Variants in EVA1A observed in about 807,000 individuals in gnomAD.
The protein encoded by EVA1A is eva-1 homolog A, regulator of programmed cell death.
Under a neutral mutation model 9.8 loss-of-function variants are expected in EVA1A, and 7 were observed. The observed-to-expected ratio is 0.71, with a 90% confidence interval of 0.41 to 1.34. The LOEUF is 1.34. Ranked by LOEUF, EVA1A falls within the 40% of genes most tolerant of loss-of-function variation. The pLI is 0.01. For synonymous variants in EVA1A, 90 were observed against 85.6 expected (o/e 1.05, Z -0.28); for missense variants, 206 against 205.9 (o/e 1.00, Z 0.00).
At chr2:75,505,451 A>G (rs575128413) in intron 3 of EVA1A, among the ~76,000 whole-genome samples, 13 of 152,218 alleles carry the variant, frequency 8.5e-5, no homozygotes, top group Admixed American at 7.2e-4. Context: ...AATTATGAAG[A>G]CACCATTTCC....
chr2:75,499,757 C>A (rs1170358731), intron 3 of EVA1A, among the ~76,000 whole-genome samples: 1 of 152,106 alleles, frequency 6.6e-6, no homozygotes, highest in Non-Finnish European at 1.5e-5. Flanking sequence ...GTCAGGGAGC[C>A]CAGGTTGCTG....
intron 1 of EVA1A, among the ~76,000 whole-genome samples, chr2:75,532,369 T>C (rs916238935): frequency 6.6e-6 from 1 of 152,054 alleles, no homozygotes; most frequent in African/African-American, 2.4e-5. Context: ...GTATTGTAGG[T>C]CTGGTAATTA....
At chr2:75,548,613 T>A (rs1383308964) in intron 1 of EVA1A, among the ~76,000 whole-genome samples, 1 of 152,150 alleles carries the variant, frequency 6.6e-6, no homozygotes, top group Non-Finnish European at 1.5e-5. Context: ...TCAGCCCTAT[T>A]CAAGGGTCAG....
At chr2:75,524,485 A>C (rs377621446) in intron 1 of EVA1A, among the ~76,000 whole-genome samples, 5 of 151,962 alleles carry the variant, frequency 3.3e-5, no homozygotes, top group South Asian at 2.1e-4. Flanking sequence ...AAAGCACTCC[A>C]ACCCTCACCT....
At chr2:75,568,850 C>T (rs1677074726) in intron 1 of EVA1A, among the ~76,000 whole-genome samples, 1 of 152,116 alleles carries the variant, frequency 6.6e-6, no homozygotes. Context: ...TTTCTTTATC[C>T]TCTGGTTGGT....
chr2:75,520,319 G>GT (rs35410525), intron 2 of EVA1A, among the ~76,000 whole-genome samples: 79,126 of 151,848 alleles, frequency 0.52, 21,996 homozygotes, highest in African/African-American at 0.72. Context: ...TCTCAATGAT[G>GT]TTTTTGCAGA....
chr2:75,498,599 TATTA>T (rs1029803627), intron 3 of EVA1A, among the ~76,000 whole-genome samples: 1 of 152,198 alleles, frequency 6.6e-6, no homozygotes, highest in African/African-American at 2.4e-5. Context: ...ATATAATGTG[TATTA>T]ATTTTTTTAA....
chr2:75,537,467 C>T (rs1374354508), intron 1 of EVA1A, among the ~76,000 whole-genome samples: 1 of 152,152 alleles, frequency 6.6e-6, no homozygotes, highest in Non-Finnish European at 1.5e-5. Flanking sequence ...CTAACCATTA[C>T]CTTGAGGCAA....
At position 75,493,296 on chromosome 2, in the gene EVA1A, C is replaced by G. The variant is rs140193404; in HGVS notation, c.399G>C (p.Glu133Asp). ...RLEERERIIREIWMNGQPEVP... is the reference protein window; with the variant it reads ...RLEERERIIRDIWMNGQPEVP... ...CCTCAGGCTGGCCATTCATCCAGATCTCCCTGATGATGCGCTCGCGCTCCT... is the reference window on the plus strand; with the variant it reads ...CCTCAGGCTGGCCATTCATCCAGATGTCCCTGATGATGCGCTCGCGCTCCT... Residue 133 changes from glutamate (E) to aspartate (D), a missense_variant, in exon 4 of 4, where the codon GAG (glutamate) becomes GAC (aspartate). Glu to Asp is a conservative substitution (Grantham distance 45, BLOSUM62 2). Transcript: ENST00000393913. 6.2e-7 allele frequency: 1 copy of G among 1,614,110 alleles called. No homozygotes were observed. The highest frequency in any genetic ancestry group is 8.5e-7 in the Non-Finnish European group (1 of 1,179,982).
Position 75,507,503 on chromosome 2 carries a change from T to A in EVA1A, c.85+10553A>T, listed in dbSNP as rs753002123. Among the ~76,000 whole-genome samples the A allele has an allele frequency of 2.4e-4, 37 of 152,100 alleles. 1 individual carries two copies. The highest frequency in any genetic ancestry group is 1.3e-4 in the Admixed American group (2 of 15,276). Reference sequence around the variant, plus strand: ...TTCAGTGCCCATCTTCCAGAGATAATCAGAGGGGGCCTCTGGAAGCCATTT... The same window carrying A: ...TTCAGTGCCCATCTTCCAGAGATAAACAGAGGGGGCCTCTGGAAGCCATTT... On this transcript the variant is annotated intron_variant, in intron 3 of 3. Transcript: ENST00000393913.
At chr2:75,503,811 G>C (rs75658027) in intron 3 of EVA1A, among the ~76,000 whole-genome samples, 1 of 152,094 alleles carries the variant, frequency 6.6e-6, no homozygotes, top group African/African-American at 2.4e-5. Flanking sequence ...CGGGATACAC[G>C]GTACAAATAT....
At chr2:75,497,539 G>A (rs1674253174) in intron 3 of EVA1A, among the ~76,000 whole-genome samples, 1 of 151,978 alleles carries the variant, frequency 6.6e-6, no homozygotes, top group Admixed American at 6.6e-5. Flanking sequence ...ATACCATGTT[G>A]ACAAAGTTGT....
chr2:75,511,371 A>G (rs1674805170), intron 3 of EVA1A, among the ~76,000 whole-genome samples: 1 of 152,184 alleles, frequency 6.6e-6, no homozygotes, highest in Non-Finnish European at 1.5e-5. Context: ...AAAGATTTAA[A>G]CCATTTTCAC....
intron 1 of EVA1A, among the ~76,000 whole-genome samples, chr2:75,557,266 C>A (rs1163054091): frequency 6.6e-6 from 1 of 152,208 alleles, no homozygotes; most frequent in Non-Finnish European, 1.5e-5. Flanking sequence ...AAAGCCAAGG[C>A]TGCATTAGAA....
intron 1 of EVA1A, among the ~76,000 whole-genome samples, chr2:75,551,067 G>C (rs923575581): frequency 2.6e-5 from 4 of 152,108 alleles, no homozygotes; most frequent in African/African-American, 9.7e-5. Context: ...AGGTTGCAGT[G>C]AGCCAAGATC....
intron 1 of EVA1A, among the ~76,000 whole-genome samples, chr2:75,569,012 T>C (rs1219760489): frequency 6.6e-6 from 1 of 152,210 alleles, no homozygotes; most frequent in East Asian, 1.9e-4. Flanking sequence ...GATTGCTGGA[T>C]TGAATGGTAG....
rs1387325550 is a variant in EVA1A, at chr2:75,493,290, C to T, written c.405G>A (p.Trp135Ter). The T allele has an allele frequency of 6.2e-7, 1 of 1,614,058 alleles. No individual in the cohort carries two copies. The highest frequency in any genetic ancestry group is 8.5e-7 in the Non-Finnish European group (1 of 1,179,962). The change falls in exon 4 of 4, where the codon TGG becomes TGA. Residue 135 changes from tryptophan (W) to a stop codon, truncating the protein, a stop_gained. Transcript: ENST00000393913. LOFTEE classifies it high-confidence loss of function. ...EERERIIREI[W>*]MNGQPEVPGT... Reference sequence around the variant, plus strand: ...CGGGCACCTCAGGCTGGCCATTCATCCAGATCTCCCTGATGATGCGCTCGC... The same window carrying T: ...CGGGCACCTCAGGCTGGCCATTCATTCAGATCTCCCTGATGATGCGCTCGC...
upstream of EVA1A, among the ~76,000 whole-genome samples, chr2:75,563,563 C>A (rs1676964697): frequency 6.6e-6 from 1 of 152,230 alleles, no homozygotes; most frequent in Non-Finnish European, 1.5e-5. Context: ...ACATACATTT[C>A]TTTTAATCAA....
chr2:75,518,066 G>C lies in EVA1A; in HGVS notation c.75C>G (p.Ser25=). 6.2e-7 allele frequency: 1 copy of C among 1,614,092 alleles called. No homozygotes were observed. The highest frequency in any genetic ancestry group is 8.5e-7 in the Non-Finnish European group (1 of 1,179,994). Residue 25 remains serine, a synonymous_variant, in exon 3 of 4, where the codon TCC becomes TCG. Coordinates refer to ENST00000393913, the MANE Select transcript of EVA1A (RefSeq NM_001135032.2). Reference sequence around the variant, plus strand: ...AAACCAGGCACCTACCTGAGACAAAGGAATAGGCCGCTAGGATGTTGCTGA... The same window carrying C: ...AAACCAGGCACCTACCTGAGACAAACGAATAGGCCGCTAGGATGTTGCTGA... The part of the protein sequence containing the change: ...ALLSNILAAY[S]FVSENPERAA...
Sources: gnomAD v4.1 joint callset for allele counts (sites outside exome capture counted in the v4.1 genomes callset) on GRCh38, gnomAD v4.1.1 for gene constraint, MANE v1.5 for transcripts, NCBI Gene and HGNC (gene_info 2026-07-23, HGNC 2026-07-21) for gene names.